The following MAGED1 variants were observed in gnomAD, a reference collection of about 807,000 sequenced individuals.
MAGED1 encodes melanoma-associated antigen D1.
In MAGED1, 3 loss-of-function variants were observed where a neutral mutation model predicts 54.1. That is an observed-to-expected ratio of 0.06 (90% CI 0.03 to 0.14). MAGED1 has a LOEUF of 0.14. Among genes scored for constraint, MAGED1 ranks in the 10% least tolerant of loss-of-function variants. The pLI is 1.00. For missense variants in MAGED1, 485 were observed against 623.4 expected, an observed-to-expected ratio of 0.78 and a Z score of 2.36; for synonymous variants, 217 against 227.3, an observed-to-expected ratio of 0.95 and a Z score of 0.41.
chrX:51,897,940 A>G (rs1928835824), intron 7 of MAGED1, 54 bp downstream of exon 7: 1 of 1,022,035 alleles, frequency 9.8e-7, no homozygotes, highest in Admixed American at 2.4e-5. Context: ...CTTTTTTTCT[A>G]GGAGTTTCAC....
Position 51,898,298 on chromosome X carries a change from G to A in MAGED1, c.1752G>A (p.Glu584=), listed in dbSNP as rs1557364569. Residue 584 remains glutamate (E), a synonymous_variant, in exon 9 of 13, where the codon GAG becomes GAA. Coordinates refer to ENST00000326587, the MANE Select transcript of MAGED1 (RefSeq NM_006986.4). ...CTCCCATTGCAGCTGTCCTCTGGGA[G>A]GCACTACGCAAGATGGGACTGCGTC... is the stretch of plus-strand genomic sequence containing the variant. ...GNRASEAVLW[E]ALRKMGLRPG... is the part of the protein sequence containing the mutation. 3 of 1,211,253 alleles carry A rather than the reference G, an allele frequency of 2.5e-6. No homozygotes were observed. In the South Asian group the frequency reaches 5.3e-5, roughly 21 times the overall value.
chrX:51,859,522 C>T (rs1427106631), intron 1 of MAGED1, among the ~76,000 whole-genome samples: 3 of 111,680 alleles, frequency 2.7e-5, no homozygotes, highest in Non-Finnish European at 5.6e-5. Flanking sequence ...CAGAATCATG[C>T]GGCCCACAAT....
At chrX:51,870,156 A>G (rs1557361408) in intron 1 of MAGED1, among the ~76,000 whole-genome samples, 1 of 111,881 alleles carries the variant, frequency 8.9e-6, no homozygotes, top group African/African-American at 3.3e-5. Flanking sequence ...TTTTACTGCA[A>G]TTTTAGAGTG....
intron 1 of MAGED1, among the ~76,000 whole-genome samples, chrX:51,883,755 T>A (rs984403889): frequency 4.5e-5 from 5 of 111,493 alleles, no homozygotes; most frequent in Non-Finnish European, 9.4e-5. Context: ...AAAAAGGATG[T>A]CTTAGCAAAG....
intron 1 of MAGED1, among the ~76,000 whole-genome samples, chrX:51,829,477 C>A (rs5991737): frequency 0.27 from 29,438 of 108,695 alleles, 3,026 homozygotes; most frequent in Middle Eastern, 0.33. Context: ...CAAAAACAAA[C>A]CATTAATTTT....
chrX:51,901,088 A>G (rs1393419739), intron 11 of MAGED1, among the ~76,000 whole-genome samples: 2 of 112,530 alleles, frequency 1.8e-5, no homozygotes, highest in Non-Finnish European at 3.7e-5. Context: ...TGATGAGAAC[A>G]TTTAAAATGT....
At chrX:51,871,467 C>T (rs1381479066) in intron 1 of MAGED1, among the ~76,000 whole-genome samples, 1 of 109,558 alleles carries the variant, frequency 9.1e-6, no homozygotes, top group Non-Finnish European at 1.9e-5. Context: ...GTTCCCCTTC[C>T]TGTGTCCAAG....
chrX:51,893,956 C>G (rs1204414193), intron 1 of MAGED1, among the ~76,000 whole-genome samples: 1 of 109,049 alleles, frequency 9.2e-6, no homozygotes, highest in African/African-American at 3.4e-5. Context: ...TGACCTCGAT[C>G]TGTACTGTTA....
chrX:51,872,241 G>A (rs1487660775), intron 1 of MAGED1, among the ~76,000 whole-genome samples: 2 of 111,585 alleles, frequency 1.8e-5, no homozygotes, highest in Non-Finnish European at 3.8e-5. Flanking sequence ...GTTCACTCTG[G>A]TGGTAGTTTC....
intron 1 of MAGED1, among the ~76,000 whole-genome samples, chrX:51,850,482 G>A (rs181282490): frequency 8.9e-6 from 1 of 111,854 alleles, no homozygotes; most frequent in East Asian, 2.8e-4. Context: ...ACATAGATAC[G>A]GGTACAGAGA....
At chrX:51,842,833 G>GC (rs1179134176) in intron 1 of MAGED1, among the ~76,000 whole-genome samples, 1 of 108,479 alleles carries the variant, frequency 9.2e-6, no homozygotes, top group Non-Finnish European at 1.9e-5. Context: ...CCACAGGTGC[G>GC]CACCACCATG....
At chrX:51,897,930 C>CT in intron 7 of MAGED1, 44 bp downstream of exon 7, 1 of 1,061,407 alleles carries the variant, frequency 9.4e-7, no homozygotes, top group Non-Finnish European at 1.3e-6. Flanking sequence ...CTCAGTGGTG[C>CT]TTTTTTTCTA....
rs782284693 is a variant in MAGED1 at position 51,894,374 on chromosome X, C to G, written c.45+25C>G. ...GGTGAGATCTCCACTCCCCACCCCA[C>G]CATTTCCCCAGCCGACAGTCACCCC... On this transcript the variant is annotated intron_variant, in intron 2 of 12. Coordinates refer to ENST00000326587, the MANE Select transcript of MAGED1 (RefSeq NM_006986.4). 5.1e-6 allele frequency: 6 copies of G among 1,178,975 alleles called. No homozygotes were observed. The African/African-American group carries it at 7.2e-5, about 14-fold the overall frequency.
chrX:51,856,579 A>G (rs898616587), intron 1 of MAGED1, among the ~76,000 whole-genome samples: 3 of 112,223 alleles, frequency 2.7e-5, no homozygotes, highest in African/African-American at 6.5e-5. Context: ...ATGTGAGTCT[A>G]TCATTTTAGG....
At chrX:51,841,590 T>A (rs782019003) in intron 1 of MAGED1, among the ~76,000 whole-genome samples, 9 of 112,150 alleles carry the variant, frequency 8.0e-5, no homozygotes, top group African/African-American at 2.9e-4. Context: ...AAGTCTTTAA[T>A]CCATCTTGAA....
chrX:51,878,481 G>A (rs782447644), intron 1 of MAGED1, among the ~76,000 whole-genome samples: 2 of 111,322 alleles, frequency 1.8e-5, no homozygotes, highest in African/African-American at 3.3e-5. Context: ...TTCAAGCAGA[G>A]TTTGGATGTT....
intron 2 of MAGED1, 149 bp from the exon 3 acceptor site, chrX:51,894,904 C>G (rs1317314342): frequency 1.1e-6 from 1 of 929,845 alleles, no homozygotes; most frequent in Non-Finnish European, 1.5e-6. Context: ...CCTCGCGGGC[C>G]CCCTAGATCT....
intron 3 of MAGED1, 60 bp from the exon 4 acceptor site, chrX:51,896,349 A>C: frequency 1.9e-6 from 2 of 1,029,326 alleles, no homozygotes; most frequent in Non-Finnish European, 2.7e-6. Flanking sequence ...CATTCCTGGA[A>C]TAGATAAGGT....
At chrX:51,884,170 G>T (rs1459334071) in intron 1 of MAGED1, among the ~76,000 whole-genome samples, 5 of 111,081 alleles carry the variant, frequency 4.5e-5, no homozygotes, top group Admixed American at 9.6e-5. Context: ...GATTCAAGAA[G>T]CTGAGCAACC....
Sources: allele counts gnomAD v4.1 joint callset (sites outside exome capture counted in the v4.1 genomes callset), GRCh38; gene constraint gnomAD v4.1.1; transcripts MANE v1.5; gene names NCBI Gene and HGNC (gene_info 2026-07-23, HGNC 2026-07-21).